ZNF717: variants seen among roughly 807,000 people sequenced by gnomAD.
The protein encoded by ZNF717 is krueppel-like factor X17.
In ZNF717, 9 loss-of-function variants were observed where a neutral mutation model predicts 13.8. That is an observed-to-expected ratio of 0.65 (90% confidence interval 0.39 to 1.14). The LOEUF (loss-of-function observed/expected upper bound fraction) is 1.14. Ranked by LOEUF, ZNF717 falls within the 50% of genes most tolerant of loss-of-function variation. The probability of loss-of-function intolerance (pLI) is 0.01; values close to 1 mark genes in which losing one functional copy is unlikely to be tolerated. For synonymous variants in ZNF717, 327 were observed against 364.1 expected, an observed-to-expected ratio of 0.90 and a Z score of 1.16; for missense variants, 1,040 against 1,080.7, an observed-to-expected ratio of 0.96 and a Z score of 0.53.
downstream of ZNF717, among the ~76,000 whole-genome samples, chr3:75,707,465 G>C (rs1337011660): frequency 2.0e-5 from 3 of 152,244 alleles, no homozygotes; most frequent in Non-Finnish European, 4.4e-5. Context: ...AATCTGGGGT[G>C]GGGTGGAGCC....
intron 5 of ZNF717, among the ~76,000 whole-genome samples, chr3:75,711,842 A>T (rs1395037499): frequency 6.6e-6 from 1 of 152,234 alleles, no homozygotes; most frequent in Non-Finnish European, 1.5e-5. Flanking sequence ...ACACTTTTGG[A>T]GAAATTTTCA....
chr3:75,756,659 C>G (rs1942509179), intron 2 of ZNF717, among the ~76,000 whole-genome samples: 1 of 151,960 alleles, frequency 6.6e-6, no homozygotes, highest in Non-Finnish European at 1.5e-5. Flanking sequence ...CTAAGCCTAA[C>G]TCTCCTTTTT....
At chr3:75,774,724 C>G (rs1370286403) in intron 2 of ZNF717, among the ~76,000 whole-genome samples, 2 of 146,398 alleles carry the variant, frequency 1.4e-5, no homozygotes, top group Admixed American at 7.0e-5. Flanking sequence ...GGGTTCACAC[C>G]ATTTTCCTGC....
chr3:75,778,853 C>G lies in ZNF717; in HGVS notation c.57+4453G>C, dbSNP rs199672619. 6.5e-4 allele frequency among the ~76,000 whole-genome samples: 82 copies of G among 126,256 alleles called. 1 individual carries two copies. The highest frequency in any genetic ancestry group is 2.6e-3 in the African/African-American group (70 of 26,586). 82.8% of individuals were successfully genotyped at this position (126,256 alleles called of 152,430 possible). On this transcript the variant is annotated intron_variant, in intron 2 of 4. Transcript: ENST00000652011. Reference sequence around the variant, plus strand: ...TGGGAGTGAGGTGCTAAAACCGGAACCCAAAACAATGGGAGTGATGCGCAA... The same window carrying G: ...TGGGAGTGAGGTGCTAAAACCGGAAGCCAAAACAATGGGAGTGATGCGCAA...
Position 75,737,659 on chromosome 3 carries a change from G to T in ZNF717, c.1964C>A (p.Thr655Asn), listed in dbSNP as rs764677392. ...GGTGAGGAATGACTTGCGATGAAAG[G>T]TTTTTCCACATTCATTACATACGTA... ...KPYVCNECGKTFHRKSFLTIH... is the reference protein window; with the variant it reads ...KPYVCNECGKNFHRKSFLTIH... Residue 655 changes from threonine to asparagine, a missense_variant, in exon 5 of 5, where the codon ACC (threonine) becomes AAC (asparagine). By Grantham distance (65) the Thr-to-Asn change is moderately conservative (BLOSUM62 0). This residue lies in a region of ZNF717 where 873 missense variants were observed against 832.8 expected (regional missense o/e 1.05). Coordinates refer to ENST00000652011, the MANE Select transcript of ZNF717 (RefSeq NM_001290208.3). The T allele has an allele frequency of 2.6e-6, 4 of 1,537,106 alleles. No homozygotes were observed. The highest frequency in any genetic ancestry group is 3.5e-6 in the Non-Finnish European group (4 of 1,140,794).
chr3:75,771,072 G>A (rs568107856), intron 2 of ZNF717, among the ~76,000 whole-genome samples: 37 of 152,270 alleles, frequency 2.4e-4, no homozygotes, highest in South Asian at 1.9e-3. Flanking sequence ...TAACTTAATA[G>A]GTAGAAAGAC....
chr3:75,711,306 T>G (rs1386459881), exon 6 of ZNF717: 1 of 152,236 alleles, frequency 6.6e-6, no homozygotes, highest in African/African-American at 2.4e-5. Flanking sequence ...CGAGATAAAG[T>G]TTTCTTAAAT....
chr3:75,755,058 G>GA (rs57754701), intron 2 of ZNF717, among the ~76,000 whole-genome samples: 1 of 133,956 alleles, frequency 7.5e-6, no homozygotes, highest in African/African-American at 2.7e-5. Flanking sequence ...AATGTTGACA[G>GA]AAAAAAAACC....
Position 75,741,710 on chromosome 3 carries a change from A to G in ZNF717, c.84T>C (p.Ala28=), listed in dbSNP as rs1940478128. ...GCCACTCCTCCCAGGTGAAGTGCAC[A>G]GCTACCTCCTCAAAGGACACCAACT... ...SLELVSFEEV[A]VHFTWEEWQD... The change falls in exon 3 of 5, where the codon GCT becomes GCC. Residue 28 remains alanine (A), a synonymous_variant. Coordinates refer to ENST00000652011, the MANE Select transcript of ZNF717 (RefSeq NM_001290208.3). 3.8e-6 allele frequency: 6 copies of G among 1,589,242 alleles called. No individual in the cohort carries two copies. The highest frequency in any genetic ancestry group is 5.1e-6 in the Non-Finnish European group (6 of 1,167,372).
chr3:75,751,399 G>T (rs187883823), intron 2 of ZNF717, among the ~76,000 whole-genome samples: 1 of 149,848 alleles, frequency 6.7e-6, no homozygotes, highest in South Asian at 2.1e-4. Flanking sequence ...CTCCTGCTGT[G>T]GTCTGAATGT....
chr3:75,728,904 G>A (rs77850133), downstream of ZNF717, among the ~76,000 whole-genome samples: 1 of 148,722 alleles, frequency 6.7e-6, no homozygotes, highest in African/African-American at 2.5e-5. Context: ...AATCAGATAT[G>A]CATTTGTGTC....
chr3:75,780,001 C>T (rs1944681638), intron 2 of ZNF717, among the ~76,000 whole-genome samples: 1 of 151,212 alleles, frequency 6.6e-6, no homozygotes, highest in Non-Finnish European at 1.5e-5. Flanking sequence ...CTTGCTAAAA[C>T]CAGAACCCAA....
intron 2 of ZNF717, among the ~76,000 whole-genome samples, chr3:75,748,917 G>A (rs1941420524): frequency 6.6e-6 from 1 of 152,022 alleles, no homozygotes; most frequent in Non-Finnish European, 1.5e-5. Flanking sequence ...GTTTGCAGGG[G>A]TCTCTTTGCC....
At chr3:75,735,094 G>A (rs1337449762), downstream of ZNF717, among the ~76,000 whole-genome samples, 1 of 152,116 alleles carries the variant, frequency 6.6e-6, no homozygotes, top group African/African-American at 2.4e-5. Context: ...CAAAGTGTTG[G>A]GATTACAGGC....
chr3:75,747,508 T>G (rs1447970440), intron 2 of ZNF717, among the ~76,000 whole-genome samples: 4 of 152,120 alleles, frequency 2.6e-5, no homozygotes, highest in African/African-American at 9.7e-5. Context: ...AATGTTCTTC[T>G]ACTGGTTTGT....
At chr3:75,780,264 G>A (rs1193414997) in intron 2 of ZNF717, among the ~76,000 whole-genome samples, 2 of 152,110 alleles carry the variant, frequency 1.3e-5, no homozygotes, top group African/African-American at 4.8e-5. Flanking sequence ...CAAAAAATGG[G>A]AGTCACGTGC....
chr3:75,784,891 AACACACGGTT>A (rs948671018), intron 1 of ZNF717: 3 of 152,158 alleles, frequency 2.0e-5, no homozygotes, highest in African/African-American at 7.2e-5. Context: ...CAAACCTTAT[AACACACGGTT>A]AAGACTGAAG....
At chr3:75,757,503 G>A (rs1343112352) in intron 2 of ZNF717, among the ~76,000 whole-genome samples, 2 of 152,146 alleles carry the variant, frequency 1.3e-5, no homozygotes, top group African/African-American at 2.4e-5. Context: ...CAAGAAATAA[G>A]ATTTCTTTCA....
At chr3:75,762,780 C>A (rs1382549611) in intron 2 of ZNF717, among the ~76,000 whole-genome samples, 7 of 152,008 alleles carry the variant, frequency 4.6e-5, no homozygotes, top group Non-Finnish European at 1.0e-4. Context: ...AATTAAAGGT[C>A]TCAAAACAAT....
Sources: allele counts gnomAD v4.1 joint callset (sites outside exome capture counted in the v4.1 genomes callset), GRCh38; gene constraint gnomAD v4.1.1; regional missense constraint gnomAD v4.1.1; transcripts MANE v1.5; gene names NCBI Gene and HGNC (gene_info 2026-07-23, HGNC 2026-07-21).